TLL1: variants seen among roughly 807,000 people sequenced by gnomAD.
TLL1 encodes the protein tolloid-like protein 1.
In TLL1, 49 loss-of-function variants were observed where a neutral mutation model predicts 128.2. That is an observed-to-expected ratio of 0.38 (90% CI 0.30 to 0.48). The LOEUF (loss-of-function observed/expected upper bound fraction) is 0.48, where lower values mean the gene tolerates loss of function less well. Among genes scored for constraint, TLL1 ranks in the 20% least tolerant of loss-of-function variants. The probability of loss-of-function intolerance (pLI) is 0.96; values close to 1 mark genes in which losing one functional copy is unlikely to be tolerated. For missense variants in TLL1, 1,123 were observed against 1,242.0 expected, an observed-to-expected ratio of 0.90 and a Z score of 1.44; for synonymous variants, 454 against 418.8, an observed-to-expected ratio of 1.08 and a Z score of -1.03.
At chr4:166,031,716 A>G (rs1011497716) in intron 9 of TLL1, among the ~76,000 whole-genome samples, 2 of 152,132 alleles carry the variant, frequency 1.3e-5, no homozygotes, top group African/African-American at 4.8e-5. Flanking sequence ...ATGTTATAAA[A>G]TATGTTAATT....
At position 166,101,945 on chromosome 4, in the gene TLL1, G is replaced by C. The variant is rs868647442; in HGVS notation, c.*1069G>C. On this transcript the variant is annotated 3_prime_UTR_variant, in exon 21 of 21. Coordinates refer to ENST00000061240, the MANE Select transcript of TLL1 (RefSeq NM_012464.5). The stretch of plus-strand genomic sequence containing the variant: ...TCAAAACACAATGCTGGAAAAAAAA[G>C]ATTTGTTTCTGAAAGACTTCTTATG... 6.6e-6 allele frequency: 1 copy of C among 151,766 alleles called. No individual in the cohort carries two copies. Among genetic ancestry groups the C allele is most frequent in the Admixed American group, 6.6e-5 (1 of 15,200 alleles). 9.4% of individuals were successfully genotyped at this position (151,766 alleles called of 1,614,324 possible).
chr4:166,023,262 T>C (rs369542640), intron 8 of TLL1, among the ~76,000 whole-genome samples: 2 of 151,886 alleles, frequency 1.3e-5, no homozygotes, highest in East Asian at 3.9e-4. Context: ...TAGCTGGGAG[T>C]GTTGGTGCAT....
intron 1 of TLL1, among the ~76,000 whole-genome samples, chr4:165,908,085 T>C (rs1030471022): frequency 6.6e-6 from 1 of 152,200 alleles, no homozygotes; most frequent in African/African-American, 2.4e-5. Flanking sequence ...TCTCTGGCAC[T>C]TGATGTTTTT....
intron 7 of TLL1, among the ~76,000 whole-genome samples, chr4:166,009,407 T>A (rs567661371): frequency 2.3e-4 from 35 of 151,596 alleles, no homozygotes; most frequent in African/African-American, 8.4e-4. Flanking sequence ...CCTTCACAGA[T>A]GATAAATCTT....
At chr4:165,897,744 A>G (rs554876930) in intron 1 of TLL1, among the ~76,000 whole-genome samples, 1 of 125,906 alleles carries the variant, frequency 7.9e-6, no homozygotes, top group African/African-American at 3.0e-5. Flanking sequence ...AATTTAAAGT[A>G]GTTGTTTCTA....
intron 9 of TLL1, among the ~76,000 whole-genome samples, chr4:166,037,282 T>C (rs1560826925): frequency 6.6e-6 from 1 of 152,154 alleles, no homozygotes; most frequent in African/African-American, 2.4e-5. Context: ...TATTTAGAGA[T>C]GTAGGAGAAA....
At chr4:166,007,375 G>A (rs528953258) in intron 6 of TLL1, among the ~76,000 whole-genome samples, 26 of 151,764 alleles carry the variant, frequency 1.7e-4, no homozygotes, top group African/African-American at 6.3e-4. Context: ...TTTTCATCAA[G>A]AATAAACTTG....
At chr4:165,953,211 G>A (rs1330067128) in intron 1 of TLL1, among the ~76,000 whole-genome samples, 1 of 152,120 alleles carries the variant, frequency 6.6e-6, no homozygotes, top group African/African-American at 2.4e-5. Flanking sequence ...TTTAGGTCAT[G>A]TGTGGGAGAC....
intron 1 of TLL1, among the ~76,000 whole-genome samples, chr4:165,890,768 G>T (rs960614029): frequency 1.3e-5 from 2 of 152,198 alleles, no homozygotes; most frequent in Non-Finnish European, 2.9e-5. Flanking sequence ...GGTGAAAGCT[G>T]TCAGTGGATT....
chr4:165,903,284 G>A (rs1165580122), intron 1 of TLL1, among the ~76,000 whole-genome samples: 2 of 152,048 alleles, frequency 1.3e-5, no homozygotes, highest in Non-Finnish European at 2.9e-5. Flanking sequence ...GTTGCAGTGA[G>A]CCGAGATCGT....
chr4:165,951,550 T>C (rs925282665), intron 1 of TLL1, among the ~76,000 whole-genome samples: 2 of 152,178 alleles, frequency 1.3e-5, no homozygotes, highest in Non-Finnish European at 2.9e-5. Flanking sequence ...CTAGGTGATC[T>C]TTCAAGAAGA....
At chr4:165,988,413 C>T (rs1736482488) in intron 1 of TLL1, among the ~76,000 whole-genome samples, 1 of 152,018 alleles carries the variant, frequency 6.6e-6, no homozygotes, top group African/African-American at 2.4e-5. Flanking sequence ...AGTTCATTAT[C>T]AGCCTGGGCA....
chr4:166,082,749 C>T (rs1360315984), intron 18 of TLL1, among the ~76,000 whole-genome samples: 2 of 152,162 alleles, frequency 1.3e-5, no homozygotes, highest in African/African-American at 4.8e-5. Flanking sequence ...GCAATCTCAG[C>T]TCACTGCAAC....
chr4:166,094,631 A>T (rs1183556983), intron 19 of TLL1, among the ~76,000 whole-genome samples: 2 of 152,186 alleles, frequency 1.3e-5, no homozygotes, highest in Non-Finnish European at 2.9e-5. Context: ...CAAGAAGTTA[A>T]TAACAGTTGA....
At chr4:165,892,167 G>A (rs1407892928) in intron 1 of TLL1, among the ~76,000 whole-genome samples, 1 of 152,208 alleles carries the variant, frequency 6.6e-6, no homozygotes, top group African/African-American at 2.4e-5. Context: ...AAACAGCATG[G>A]ATGTTACTGC....
At chr4:165,905,630 A>G (rs1368266631) in intron 1 of TLL1, among the ~76,000 whole-genome samples, 1 of 152,116 alleles carries the variant, frequency 6.6e-6, no homozygotes, top group African/African-American at 2.4e-5. Flanking sequence ...GTTTACTGGC[A>G]TGCCCTGCTT....
chr4:166,091,282 T>C lies in TLL1; in HGVS notation c.2597T>C (p.Val866Ala), dbSNP rs764566213. Residue 866 changes from valine (V) to alanine (A), a missense_variant, in exon 19 of 21, where the codon GTT (valine) becomes GCT (alanine). This residue lies in a region of TLL1 where 634 missense variants were observed against 672.4 expected (regional missense o/e 0.94). Transcript: ENST00000061240. ...GTGGCTACTGGAAATAAAATGTTTGTTCGGTTTGTTTCTGATGCATCTGTT... is the reference window on the plus strand; with the variant it reads ...GTGGCTACTGGAAATAAAATGTTTGCTCGGTTTGTTTCTGATGCATCTGTT... ...PLVATGNKMFVRFVSDASVQR... is the reference protein window; with the variant it reads ...PLVATGNKMFARFVSDASVQR... 3.2e-5 allele frequency: 51 copies of C among 1,612,948 alleles called. No homozygotes were observed. Among genetic ancestry groups the C allele is most frequent in the Non-Finnish European group, 4.0e-5 (47 of 1,179,422 alleles).
Position 165,974,133 on chromosome 4 carries a change from CTTTTTTTTTT to C in TLL1, c.170-15232_170-15223del, listed in dbSNP as rs199741025. 9.1e-4 allele frequency among the ~76,000 whole-genome samples: 55 copies of C among 60,750 alleles called. No homozygotes were observed. In the East Asian group the frequency reaches 0.024, roughly 26 times the overall value. 39.9% of individuals were successfully genotyped at this position (60,750 alleles called of 152,430 possible). ...CTTAGGATTAAGTCCTGGACCTCAT[CTTTTTTTTTT>C]TTTTTTTTTTTTTTTGAGACGGAGT... On this transcript the variant is annotated intron_variant, in intron 1 of 20. Coordinates refer to ENST00000061240, the MANE Select transcript of TLL1 (RefSeq NM_012464.5).
chr4:165,933,350 C>A (rs989858934), intron 1 of TLL1, among the ~76,000 whole-genome samples: 9 of 152,068 alleles, frequency 5.9e-5, no homozygotes, highest in Non-Finnish European at 1.2e-4. Context: ...TCTCTCTGGC[C>A]TCCCCTGGGA....
Sources: gnomAD v4.1 joint callset for allele counts (sites outside exome capture counted in the v4.1 genomes callset) on GRCh38, gnomAD v4.1.1 for gene constraint, gnomAD v4.1.1 regional missense constraint, MANE v1.5 for transcripts, NCBI Gene and HGNC (gene_info 2026-07-23, HGNC 2026-07-21) for gene names.